MKNK2: variants seen among roughly 807,000 people sequenced by gnomAD.
MKNK2 encodes MAPK interacting serine/threonine kinase 2, also known as MAP kinase-interacting serine/threonine-protein kinase 2.
Under a neutral mutation model 55.0 loss-of-function variants are expected in MKNK2, and 54 were observed. The ratio of observed to expected loss-of-function variants is 0.98; its 90% CI spans 0.79 to 1.23. The LOEUF is 1.23. Among genes scored for constraint, MKNK2 ranks in the 50% most tolerant of loss-of-function variants. The pLI is 0.00. For missense variants in MKNK2, 685 were observed against 632.1 expected (o/e 1.08, Z -0.90); for synonymous variants, 323 against 256.0 (o/e 1.26, Z -2.50).
rs748954560 is a variant in MKNK2, at chr19:2,037,848, AAAC to A, written c.*1762_*1764del. 319 of 1,560,320 alleles carry A rather than the reference AAAC, an allele frequency of 2.0e-4. No homozygotes were observed. The highest frequency in any genetic ancestry group is 1.7e-3 in the African/African-American group (116 of 67,782). ...GTCCCACCTTCAGAAAAAAAAAAAA[AAAC>A]AAACAAACAAACGCTGCTAGCCACT... On this transcript the variant is annotated 3_prime_UTR_variant, in exon 14 of 14. Transcript: ENST00000250896.
At chr19:2,041,282 G>C in intron 11 of MKNK2, 78 bp from the exon 12 acceptor site, 1 of 1,497,542 alleles carries the variant, frequency 6.7e-7, no homozygotes, top group Non-Finnish European at 9.1e-7. Flanking sequence ...GCTCCAACCG[G>C]ACCCCAACCA....
intron 2 of MKNK2, among the ~76,000 whole-genome samples, chr19:2,048,037 G>A (rs2017036515): frequency 6.8e-6 from 1 of 146,984 alleles, no homozygotes; most frequent in Non-Finnish European, 1.5e-5. Flanking sequence ...TGGTCCTGGG[G>A]GCTCACGGGA....
intron 2 of MKNK2, 67 bp downstream of exon 2, chr19:2,050,734 G>A (rs1224676432): frequency 3.5e-6 from 5 of 1,446,862 alleles, no homozygotes; most frequent in Non-Finnish European, 3.7e-6. Context: ...GGCGGGCCCC[G>A]CGCCCCCCAC....
chr19:2,040,825 C>T (rs2016861292), intron 12 of MKNK2: 1 of 583,432 alleles, frequency 1.7e-6, no homozygotes, highest in African/African-American at 1.9e-5. Context: ...TGAGTAGCTG[C>T]TCCTGGGAGC....
chr19:2,045,708 A>G (rs1031126526), intron 5 of MKNK2, among the ~76,000 whole-genome samples: 4 of 152,126 alleles, frequency 2.6e-5, no homozygotes, highest in African/African-American at 9.7e-5. Context: ...TTCTTGGAAC[A>G]CGGGATCCAA....
chr19:2,041,807 GCC>G lies in MKNK2; in HGVS notation c.945+31_945+32del, dbSNP rs766020026. ...CAGGGCAGGCCCGGGGGAGGAGGGTGCCCAGGAGAGGAGGGTGCGCGGGCCGC... is the reference window on the plus strand; with the variant it reads ...CAGGGCAGGCCCGGGGGAGGAGGGTGCAGGAGAGGAGGGTGCGCGGGCCGC... On this transcript the variant is annotated intron_variant, in intron 11 of 13. Transcript: ENST00000250896. The G allele has an allele frequency of 1.1e-4, 163 of 1,476,626 alleles. 1 individual carries two copies. In the South Asian group the frequency reaches 1.9e-3, roughly 17 times the overall value. 91.5% of individuals were successfully genotyped at this position (1,476,626 alleles called of 1,614,324 possible). A position where few individuals can be genotyped will look rare whatever the true frequency, so the allele number is the denominator to read the frequency against.
chr19:2,039,430 A>G lies in MKNK2; in HGVS notation c.*183T>C, dbSNP rs1359195505. ...GGAAAAAATAACGGGGAGGGGTGGA[A>G]ACAGGAAAAAAAAAACCCAAAAGCA... On this transcript the variant is annotated 3_prime_UTR_variant, in exon 14 of 14. Transcript: ENST00000250896. The G allele has an allele frequency of 1.4e-6, 2 of 1,390,866 alleles. No individual in the cohort carries two copies. Among genetic ancestry groups the G allele is most frequent in the East Asian group, 2.5e-5 (1 of 39,272 alleles). The allele number at this position is 1,390,866 out of a possible 1,614,324, so 86.2% of individuals were successfully genotyped here.
In MKNK2 at chr19:2,041,954, G is replaced by C; in HGVS notation, c.831C>G (p.Asp277Glu). 2 of 1,560,374 alleles carry C rather than the reference G, an allele frequency of 1.3e-6. No homozygotes were observed. The highest frequency in any genetic ancestry group is 1.7e-6 in the Non-Finnish European group (2 of 1,152,282). The change falls in exon 11 of 14, where the codon GAC (aspartate) becomes GAG (glutamate). Residue 277 changes from aspartate to glutamate, a missense_variant. Asp to Glu is a conservative substitution (Grantham distance 45, BLOSUM62 2). Coordinates refer to ENST00000250896, the MANE Select transcript of MKNK2 (RefSeq NM_199054.3). ...EEASIYDKRCDLWSLGVILYI... is the reference protein window; with the variant it reads ...EEASIYDKRCELWSLGVILYI... ...ACAAGATGACGCCCAGGCTCCACAG[G>C]TCGCAGCGCTTGTCGTAGATGCTAG...
Position 2,041,922 on chromosome 19 carries a change from A to G in MKNK2, c.863T>C (p.Leu288Pro). The change falls in exon 11 of 14, where the codon CTA becomes CCA. Residue 288 changes from leucine (L) to proline (P), a missense_variant. Transcript: ENST00000250896. Reference protein sequence around the residue: ...LWSLGVILYILLSGYPPFVGR... With the variant: ...LWSLGVILYIPLSGYPPFVGR... Reference sequence around the variant, plus strand: ...CACGAAGGGCGGGTAGCCGCTGAGTAGGATATACAAGATGACGCCCAGGCT... The same window carrying G: ...CACGAAGGGCGGGTAGCCGCTGAGTGGGATATACAAGATGACGCCCAGGCT... The G allele has an allele frequency of 6.5e-7, 1 of 1,550,380 alleles. No individual in the cohort carries two copies. The highest frequency in any genetic ancestry group is 8.7e-7 in the Non-Finnish European group (1 of 1,146,940).
rs2016799876 is a variant in MKNK2, at chr19:2,038,386, C to T, written c.*1227G>A. 1.0e-6 allele frequency: 1 copy of T among 985,976 alleles called. No individual in the cohort carries two copies. Among genetic ancestry groups the T allele is most frequent in the East Asian group, 1.1e-4 (1 of 8,796 alleles). 61.1% of individuals were successfully genotyped at this position (985,976 alleles called of 1,614,324 possible). A position where few individuals can be genotyped will look rare whatever the true frequency, so the allele number is the denominator to read the frequency against. On this transcript the variant is annotated 3_prime_UTR_variant, in exon 14 of 14. Transcript: ENST00000250896. ...CGGGCGGTGACCCTAGCCGCGCGCA[C>T]TTCTAAAGTGGAACCCTGTATTGCA... is the stretch of plus-strand genomic sequence containing the variant.
rs934379790 is a variant in MKNK2 at position 2,042,206 on chromosome 19, G to A, written c.751-172C>T. On this transcript the variant is annotated intron_variant, in intron 10 of 13. Coordinates refer to ENST00000250896, the MANE Select transcript of MKNK2 (RefSeq NM_199054.3). ...CGCCCAATCAGCAGGTGCAGAGCTC[G>A]CCCCTCCCCCGCCGCGGCCCCGCCC... The A allele has an allele frequency of 6.9e-6, 5 of 729,096 alleles. No homozygotes were observed. The African/African-American group carries it at 7.6e-5, about 11-fold the overall frequency. The allele number at this position is 729,096 out of a possible 1,614,324, so 45.2% of individuals were successfully genotyped here.
rs770978561 is a variant in MKNK2 at position 2,042,686 on chromosome 19, C to A, written c.599-24G>T. The stretch of plus-strand genomic sequence containing the variant: ...GCCTGGGGGAGAAGCCACAGAACCA[C>A]GACGGGGTGAGGGTCTGGAGGTCTT... On this transcript the variant is annotated intron_variant, in intron 8 of 13. Transcript: ENST00000250896. 19 of 1,557,304 alleles carry A rather than the reference C, an allele frequency of 1.2e-5. No individual in the cohort carries two copies. In the East Asian group the frequency reaches 3.8e-4, roughly 31 times the overall value.
At chr19:2,041,275 C>G (rs1229473918) in intron 11 of MKNK2, 71 bp from the exon 12 acceptor site, 10 of 1,516,046 alleles carry the variant, frequency 6.6e-6, no homozygotes, top group Non-Finnish European at 8.1e-6. Flanking sequence ...ACACGTGGCT[C>G]CAACCGGACC....
At chr19:2,042,400 C>G (rs964696631) in intron 10 of MKNK2, 27 bp downstream of exon 10, 1 of 1,545,612 alleles carries the variant, frequency 6.5e-7, no homozygotes, top group Non-Finnish European at 8.8e-7. Flanking sequence ...GGCGGCCGAG[C>G]CCCCAGCCCT....
chr19:2,050,702 A>G lies in MKNK2; in HGVS notation c.51+99T>C, dbSNP rs997179519. 26 of 1,177,302 alleles carry G rather than the reference A, an allele frequency of 2.2e-5. No homozygotes were observed. In the African/African-American group the frequency reaches 2.6e-4, roughly 12 times the overall value. The allele number at this position is 1,177,302 out of a possible 1,614,324, so 72.9% of individuals were successfully genotyped here. A position where few individuals can be genotyped will look rare whatever the true frequency, so the allele number is the denominator to read the frequency against. On this transcript the variant is annotated intron_variant, in intron 2 of 13. Coordinates refer to ENST00000250896, the MANE Select transcript of MKNK2 (RefSeq NM_199054.3). ...GGGTGTAGGGCGGGGGCCAGGCACG[A>G]GCCCCGGGAGCCGATCTTAGGGGCG...
intron 5 of MKNK2, 59 bp from the exon 6 acceptor site, chr19:2,043,641 G>A (rs971449485): frequency 1.4e-6 from 2 of 1,472,124 alleles, no homozygotes; most frequent in Non-Finnish European, 9.5e-7. Flanking sequence ...GTCGAGAAGG[G>A]GCCAGAAACT....
intron 2 of MKNK2, 35 bp from the exon 3 acceptor site, chr19:2,046,726 C>A: frequency 6.9e-7 from 1 of 1,457,372 alleles, no homozygotes; most frequent in Non-Finnish European, 9.1e-7. Context: ...CACTCAGGCC[C>A]CATCCCTGCC....
chr19:2,042,827 C>G lies in MKNK2; in HGVS notation c.537G>C (p.Glu179Asp). ...SHIHKRRHFN[E>D]LEASVVVQDV... Reference sequence around the variant, plus strand: ...CCTGCACCACCACGCTGGCCTCCAGCTCGTTGAAGTGCCGGCGCTTGTGGA... The same window carrying G: ...CCTGCACCACCACGCTGGCCTCCAGGTCGTTGAAGTGCCGGCGCTTGTGGA... The change falls in exon 8 of 14, where the codon GAG (glutamate) becomes GAC (aspartate). Residue 179 changes from glutamate (E) to aspartate (D), a missense_variant. Glu to Asp is a conservative substitution (Grantham distance 45). Transcript: ENST00000250896. The G allele has an allele frequency of 6.3e-7, 1 of 1,577,878 alleles. No homozygotes were observed. Among genetic ancestry groups the G allele is most frequent in the East Asian group, 2.3e-5 (1 of 42,990 alleles).
chr19:2,040,021 G>A, intron 13 of MKNK2, 113 bp downstream of exon 13: 1 of 1,410,670 alleles, frequency 7.1e-7, no homozygotes, highest in Non-Finnish European at 9.8e-7. Flanking sequence ...TGAGTCACCA[G>A]GCTTGCCTGC....
Sources: gnomAD v4.1 joint callset for allele counts (sites outside exome capture counted in the v4.1 genomes callset) on GRCh38, gnomAD v4.1.1 for gene constraint, MANE v1.5 for transcripts, NCBI Gene and HGNC (gene_info 2026-07-23, HGNC 2026-07-21) for gene names.